FAT1: variants seen among roughly 807,000 people sequenced by gnomAD.
FAT1 encodes the protein FAT atypical cadherin 1.
Under a neutral mutation model 329.8 loss-of-function variants are expected in FAT1, and 171 were observed. The observed-to-expected ratio is 0.52, with a 90% CI of 0.46 to 0.59. FAT1 has a LOEUF of 0.59. Among genes scored for constraint, FAT1 ranks in the 20% least tolerant of loss-of-function variants. The probability of loss-of-function intolerance (pLI) is 0.00; values close to 1 mark genes in which losing one functional copy is unlikely to be tolerated. For synonymous variants in FAT1, 2,233 were observed against 2,228.6 expected (o/e 1.00, Z -0.06); for missense variants, 5,672 against 5,774.4 (o/e 0.98, Z 0.57).
intron 3 of FAT1, among the ~76,000 whole-genome samples, chr4:186,656,153 G>C (rs1741895613): frequency 6.6e-6 from 1 of 152,232 alleles, no homozygotes; most frequent in African/African-American, 2.4e-5. Context: ...GCTGGTTTAA[G>C]TAATTTCAAA....
At chr4:186,719,307 A>G (rs894368027) in intron 1 of FAT1, among the ~76,000 whole-genome samples, 2 of 152,202 alleles carry the variant, frequency 1.3e-5, no homozygotes, top group African/African-American at 4.8e-5. Context: ...TCACTATATA[A>G]GAGTTCTGCA....
chr4:186,695,978 A>G (rs1201672840), intron 2 of FAT1, among the ~76,000 whole-genome samples: 10 of 152,150 alleles, frequency 6.6e-5, no homozygotes, highest in Admixed American at 6.5e-4. Flanking sequence ...TTTAGTAGAG[A>G]CAGGGTTTCA....
At chr4:186,593,951 C>T (rs1738366019) in intron 26 of FAT1, among the ~76,000 whole-genome samples, 1 of 152,136 alleles carries the variant, frequency 6.6e-6, no homozygotes, top group Non-Finnish European at 1.5e-5. Context: ...CTGATAATTA[C>T]ATTATGGTAA....
At position 186,596,625 on chromosome 4, in the gene FAT1, C is replaced by T. The variant is rs772665032; in HGVS notation, c.12915G>A (p.Ala4305=). 1.9e-5 allele frequency: 31 copies of T among 1,609,982 alleles called. No individual in the cohort carries two copies. Among genetic ancestry groups the T allele is most frequent in the Middle Eastern group, 1.7e-4 (1 of 6,054 alleles). The change falls in exon 25 of 27, where the codon GCG becomes GCA. Residue 4305 remains alanine, a synonymous_variant. Coordinates refer to ENST00000441802, the MANE Select transcript of FAT1 (RefSeq NM_005245.4). The surrounding 1 kb of genome is among the most constrained non-coding windows in gnomAD (Gnocchi z 4.7). Reference sequence around the variant, plus strand: ...AAGGGGGTGGGGGAGGCAGGTTTGGCGCCACGCTGCAGACCGCCACTGCTT... The same window carrying T: ...AAGGGGGTGGGGGAGGCAGGTTTGGTGCCACGCTGCAGACCGCCACTGCTT... The part of the protein sequence containing the change: ...HRKAVAVCSV[A]PNLPPPPPSN...
At chr4:186,628,105 A>G (rs1433661378) in intron 9 of FAT1, 49 bp downstream of exon 9, 1 of 1,571,478 alleles carries the variant, frequency 6.4e-7, no homozygotes, top group South Asian at 1.2e-5. Flanking sequence ...GTAGAAACAG[A>G]CTTTTAACAA....
At chr4:186,589,770 A>C (rs1738149159) in intron 26 of FAT1, among the ~76,000 whole-genome samples, 1 of 152,168 alleles carries the variant, frequency 6.6e-6, no homozygotes, top group Non-Finnish European at 1.5e-5. Flanking sequence ...GGCCACAAAC[A>C]ATCTTGCCAA....
chr4:186,652,093 G>A (rs143030027), intron 3 of FAT1, among the ~76,000 whole-genome samples: 95 of 152,212 alleles, frequency 6.2e-4, no homozygotes, highest in Middle Eastern at 3.4e-3. Context: ...AGTCATACAG[G>A]GACCCCATAC....
In FAT1 at chr4:186,617,046, T is replaced by C; in HGVS notation, c.9034A>G (p.Lys3012Glu). 6.2e-7 allele frequency: 1 copy of C among 1,613,896 alleles called. No individual in the cohort carries two copies. The highest frequency in any genetic ancestry group is 1.1e-5 in the South Asian group (1 of 91,006). ...CTGTTGTCATTTGCATCCAGAACTT[T>C]CACTTCAACTATCGCTTTTGATGAG... ...TFSSKAIVEV[K>E]VLDANDNSPV... Residue 3012 changes from lysine to glutamate, a missense_variant, in exon 11 of 27, where the codon AAA (lysine) becomes GAA (glutamate). By Grantham distance (56) the Lys-to-Glu change is moderately conservative (BLOSUM62 1). Transcript: ENST00000441802.
At position 186,611,472 on chromosome 4, in the gene FAT1, C is replaced by A; in HGVS notation, c.9767G>T (p.Ser3256Ile). ...GTEVLQVYAA[S>I]RDIEANAEIT... ...TTCTGCATTTGCTTCAATATCCCGA[C>A]TTGCTGCATACACTTGAAGAACTTC... is the stretch of plus-strand genomic sequence containing the variant. The change falls in exon 14 of 27, where the codon AGT (serine) becomes ATT (isoleucine). Residue 3256 changes from serine to isoleucine, a missense_variant. Around this residue, in one of 2 missense-constraint regions of FAT1, gnomAD observed 1,706 missense variants for 1,859.1 expected, o/e 0.92. Transcript: ENST00000441802. 1 of 1,613,928 alleles carries A rather than the reference C, an allele frequency of 6.2e-7. No individual in the cohort carries two copies. Among genetic ancestry groups the A allele is most frequent in the Non-Finnish European group, 8.5e-7 (1 of 1,179,834 alleles).
intron 2 of FAT1, among the ~76,000 whole-genome samples, chr4:186,665,978 T>C (rs767260681): frequency 1.5e-4 from 20 of 133,812 alleles, no homozygotes; most frequent in South Asian, 2.3e-4. Flanking sequence ...CAGGTGGGAA[T>C]TGAACAATGA....
chr4:186,708,667 G>A lies in FAT1; in HGVS notation c.1161C>T (p.Val387=), dbSNP rs2126698151. The A allele has an allele frequency of 6.2e-7, 1 of 1,613,874 alleles. No homozygotes were observed. The highest frequency in any genetic ancestry group is 8.5e-7 in the Non-Finnish European group (1 of 1,179,884). Residue 387 remains valine, a synonymous_variant, in exon 2 of 27, where the codon GTC becomes GTT. Coordinates refer to ENST00000441802, the MANE Select transcript of FAT1 (RefSeq NM_005245.4). ...SEFAPPNTPV[V]MVKAIPAYSH... ...AATAAGCAGGAATGGCCTTTACCAT[G>A]ACCACAGGTGTGTTGGGAGGAGCAA... is the stretch of plus-strand genomic sequence containing the variant.
At chr4:186,647,144 C>A (rs1458165744) in intron 3 of FAT1, among the ~76,000 whole-genome samples, 2 of 152,140 alleles carry the variant, frequency 1.3e-5, no homozygotes, top group Admixed American at 1.3e-4. Flanking sequence ...GGCTCTTGTC[C>A]TCAAAGGCAT....
At chr4:186,639,943 GC>G (rs1741020093) in intron 3 of FAT1, among the ~76,000 whole-genome samples, 160 bp from the exon 4 acceptor site, 1 of 152,028 alleles carries the variant, frequency 6.6e-6, no homozygotes, top group Non-Finnish European at 1.5e-5. Flanking sequence ...GGAGTTGGAG[GC>G]CAGCCTGGCC....
intron 1 of FAT1, among the ~76,000 whole-genome samples, chr4:186,717,624 AAGAT>A (rs1162242573): frequency 2.6e-5 from 4 of 152,232 alleles, no homozygotes; most frequent in Non-Finnish European, 5.9e-5. Flanking sequence ...GCCCTTAAGA[AAGAT>A]AAACAGATGT....
At chr4:186,643,577 CAG>C (rs1304231487) in intron 3 of FAT1, among the ~76,000 whole-genome samples, 7 of 152,020 alleles carry the variant, frequency 4.6e-5, no homozygotes, top group African/African-American at 1.7e-4. Flanking sequence ...AAAATGAAAA[CAG>C]AATTTCCTAA....
At chr4:186,621,888 G>A in intron 9 of FAT1, 113 bp from the exon 10 acceptor site, 2 of 657,906 alleles carry the variant, frequency 3.0e-6, no homozygotes, top group East Asian at 2.9e-5. Context: ...AAATTAAGCA[G>A]AAACTCAGGG....
At chr4:186,722,247 A>T (rs1005362775) in intron 1 of FAT1, among the ~76,000 whole-genome samples, 4 of 152,224 alleles carry the variant, frequency 2.6e-5, no homozygotes, top group Non-Finnish European at 4.4e-5. Flanking sequence ...AAATGAATAT[A>T]CAGGTGGCCC....
intron 20 of FAT1, 75 bp from the exon 21 acceptor site, chr4:186,601,501 C>A (rs1738819849): frequency 4.2e-6 from 5 of 1,183,570 alleles, no homozygotes; most frequent in East Asian, 4.8e-5. Flanking sequence ...CTCCCCTGCA[C>A]CCCTTGAGAC....
chr4:186,669,971 C>T (rs911453967), intron 2 of FAT1, among the ~76,000 whole-genome samples: 7 of 152,238 alleles, frequency 4.6e-5, no homozygotes, highest in African/African-American at 1.7e-4. Flanking sequence ...CATTCCCTCC[C>T]GCTGACACAG....
Sources: gnomAD v4.1 joint callset for allele counts (sites outside exome capture counted in the v4.1 genomes callset) on GRCh38, gnomAD v4.1.1 for gene constraint, gnomAD v4.1.1 regional missense constraint, Gnocchi (gnomAD v3.1) non-coding constraint, MANE v1.5 for transcripts, NCBI Gene and HGNC (gene_info 2026-07-23, HGNC 2026-07-21) for gene names.